Variants in ABCC11 observed in about 807,000 individuals in gnomAD.
ABCC11 encodes the protein ATP binding cassette subfamily C member 11.
ABCC11 carries 135 observed loss-of-function variants against 149.3 expected under a neutral mutation model. The observed-to-expected ratio is 0.90, with a 90% CI of 0.79 to 1.04. The LOEUF (loss-of-function observed/expected upper bound fraction) is 1.04. ABCC11 is among the 50% of genes least tolerant of loss of function. The pLI, the probability that ABCC11 is intolerant of heterozygous loss-of-function variation, is 0.00. For missense variants in ABCC11, 1,680 were observed against 1,722.1 expected (o/e 0.98, Z 0.43); for synonymous variants, 665 against 671.4 (o/e 0.99, Z 0.15).
intron 20 of ABCC11, among the ~76,000 whole-genome samples, chr16:48,191,384 A>T (rs1347660832): frequency 6.6e-6 from 1 of 152,186 alleles, no homozygotes; most frequent in African/African-American, 2.4e-5. Flanking sequence ...AAATACAAAA[A>T]TTAGCCAGGC....
chr16:48,203,425 T>C (rs923518602), intron 13 of ABCC11, 125 bp from the exon 14 acceptor site: 3 of 772,722 alleles, frequency 3.9e-6, no homozygotes, highest in Non-Finnish European at 6.1e-6. Flanking sequence ...TGTTTAATGG[T>C]ATAACACTGA....
At position 48,167,133 on chromosome 16, in the gene ABCC11, C is replaced by A. The variant is rs1965376170; in HGVS notation, c.*141G>T. Reference sequence around the variant, plus strand: ...ATTCCAGGGTTTCCATCCAGCAATCCCCACCCCCCCTACATTTACCCCTGC... The same window carrying A: ...ATTCCAGGGTTTCCATCCAGCAATCACCACCCCCCCTACATTTACCCCTGC... On this transcript the variant is annotated 3_prime_UTR_variant, in exon 30 of 30. Coordinates refer to ENST00000356608, the MANE Select transcript of ABCC11 (RefSeq NM_001370497.1). The A allele has an allele frequency of 3.4e-6, 2 of 581,202 alleles. No individual in the cohort carries two copies. Among genetic ancestry groups the A allele is most frequent in the East Asian group, 3.1e-5 (1 of 31,848 alleles). 36.0% of individuals were successfully genotyped at this position (581,202 alleles called of 1,614,324 possible).
intron 1 of ABCC11, among the ~76,000 whole-genome samples, chr16:48,233,192 C>A (rs1254586089): frequency 6.6e-6 from 1 of 152,142 alleles, no homozygotes; most frequent in African/African-American, 2.4e-5. Context: ...CAGAGCAAGA[C>A]CCCATCTCAA....
In ABCC11 at chr16:48,213,549, G is replaced by A; in HGVS notation, c.1250C>T (p.Ala417Val). The A allele has an allele frequency of 6.2e-7, 1 of 1,607,310 alleles. No homozygotes were observed. Among genetic ancestry groups the A allele is most frequent in the Non-Finnish European group, 8.5e-7 (1 of 1,176,956 alleles). ...SLKLKLTASM[A>V]FSMLASLNLL... Reference sequence around the variant, plus strand: ...ATTCAAGGAGGCCAGCATGCTGAAGGCCTGGATAAGAAGGGGAGGAGGTGG... The same window carrying A: ...ATTCAAGGAGGCCAGCATGCTGAAGACCTGGATAAGAAGGGGAGGAGGTGG... The change falls in exon 10 of 30, where the codon GCC becomes GTC. Residue 417 changes from alanine (A) to valine (V), a missense_variant and splice_region_variant. Transcript: ENST00000356608.
At chr16:48,228,039 A>ATGAT in intron 3 of ABCC11, 75 bp from the exon 4 acceptor site, 1 of 1,387,194 alleles carries the variant, frequency 7.2e-7, no homozygotes, top group South Asian at 1.4e-5. Context: ...ACCATATTAA[A>ATGAT]ACACAACGAG....
At chr16:48,191,802 G>A (rs1966945262) in intron 20 of ABCC11, among the ~76,000 whole-genome samples, 1 of 151,912 alleles carries the variant, frequency 6.6e-6, no homozygotes, top group African/African-American at 2.4e-5. Context: ...ACACAGGAAG[G>A]GGAACATCAC....
At chr16:48,168,482 C>A (rs1357089628) in intron 28 of ABCC11, among the ~76,000 whole-genome samples, 2 of 152,142 alleles carry the variant, frequency 1.3e-5, no homozygotes, top group East Asian at 3.9e-4. Context: ...CATTAATTAA[C>A]CATGATACAT....
chr16:48,179,566 T>C (rs1022479429), intron 23 of ABCC11, among the ~76,000 whole-genome samples: 2 of 152,222 alleles, frequency 1.3e-5, no homozygotes, highest in African/African-American at 4.8e-5. Context: ...TGCCAGGTGC[T>C]GGACCAGGCT....
chr16:48,210,876 C>T, intron 11 of ABCC11, 72 bp downstream of exon 11: 3 of 1,553,080 alleles, frequency 1.9e-6, no homozygotes, highest in Admixed American at 1.9e-5. Flanking sequence ...GGTGGGGCAC[C>T]TGGCCAAGCT....
At chr16:48,230,721 C>A in intron 2 of ABCC11, 148 bp from the exon 3 acceptor site, 8 of 990,046 alleles carry the variant, frequency 8.1e-6, no homozygotes, top group Non-Finnish European at 1.1e-5. Context: ...AAGCAGGGGA[C>A]CGAGAGTCAG....
At chr16:48,190,087 C>T (rs914946100) in intron 20 of ABCC11, among the ~76,000 whole-genome samples, 26 of 152,160 alleles carry the variant, frequency 1.7e-4, no homozygotes, top group African/African-American at 6.3e-4. Context: ...CCACTTTCTT[C>T]CCCTGCCCTC....
intron 14 of ABCC11, among the ~76,000 whole-genome samples, chr16:48,201,247 T>A (rs1967943285): frequency 6.6e-6 from 1 of 152,146 alleles, no homozygotes; most frequent in Non-Finnish European, 1.5e-5. Context: ...TATTCCCAAG[T>A]CAGAGCACTG....
At chr16:48,213,038 G>A (rs919962212) in intron 10 of ABCC11, among the ~76,000 whole-genome samples, 1 of 152,224 alleles carries the variant, frequency 6.6e-6, no homozygotes, top group African/African-American at 2.4e-5. Context: ...GTAGAATGTG[G>A]TCCAGGGTCA....
intron 3 of ABCC11, among the ~76,000 whole-genome samples, chr16:48,230,157 C>T (rs1350995709): frequency 6.6e-6 from 1 of 152,226 alleles, no homozygotes; most frequent in Non-Finnish European, 1.5e-5. Flanking sequence ...CATGTGAGGT[C>T]CATGATGGCA....
At chr16:48,235,741 G>A (rs1247751886) in intron 1 of ABCC11, among the ~76,000 whole-genome samples, 1 of 152,196 alleles carries the variant, frequency 6.6e-6, no homozygotes, top group Non-Finnish European at 1.5e-5. Flanking sequence ...TAGTCAGGAT[G>A]GAAACCAGGA....
chr16:48,194,186 G>A (rs184103177), intron 18 of ABCC11, among the ~76,000 whole-genome samples: 28 of 152,286 alleles, frequency 1.8e-4, no homozygotes, highest in Non-Finnish European at 3.2e-4. Flanking sequence ...CTTCCAAACC[G>A]TGTGACCTTG....
intron 18 of ABCC11, among the ~76,000 whole-genome samples, chr16:48,195,732 C>T (rs1019256904): frequency 6.6e-6 from 1 of 152,106 alleles, no homozygotes; most frequent in Non-Finnish European, 1.5e-5. Flanking sequence ...AATAAAAGTC[C>T]CACCACTGTG....
chr16:48,192,692 C>A lies in ABCC11; in HGVS notation c.2534G>T (p.Gly845Val), dbSNP rs1967033212. The change falls in exon 20 of 30, where the codon GGA (glycine) becomes GTA (valine). Residue 845 changes from glycine to valine, a missense_variant. Coordinates refer to ENST00000356608, the MANE Select transcript of ABCC11 (RefSeq NM_001370497.1). ...AATGTTGCCCAGGTCTGCCATGGTT[C>A]CATTGCTCTCTCGGCTGCTATTGGT... ...SGTNSSRESN[G>V]TMADLGNIAD... is the part of the protein sequence containing the mutation. The A allele has an allele frequency of 1.2e-6, 2 of 1,614,086 alleles. No homozygotes were observed. Among genetic ancestry groups the A allele is most frequent in the Non-Finnish European group, 1.7e-6 (2 of 1,180,044 alleles).
chr16:48,189,158 T>C (rs1966849886), intron 20 of ABCC11, among the ~76,000 whole-genome samples: 1 of 152,196 alleles, frequency 6.6e-6, no homozygotes, highest in Non-Finnish European at 1.5e-5. Context: ...CAATCAGAAT[T>C]GTCATGATCA....
Sources: gnomAD v4.1 joint callset for allele counts (sites outside exome capture counted in the v4.1 genomes callset) on GRCh38, gnomAD v4.1.1 for gene constraint, MANE v1.5 for transcripts, NCBI Gene and HGNC (gene_info 2026-07-23, HGNC 2026-07-21) for gene names.